CMTM8: variants seen among roughly 807,000 people sequenced by gnomAD.
CMTM8 encodes the protein CKLF-like MARVEL transmembrane domain-containing protein 8.
CMTM8 carries 12 observed loss-of-function variants against 18.6 expected under a neutral mutation model. The ratio of observed to expected loss-of-function variants is 0.65; its 90% confidence interval spans 0.41 to 1.05. The LOEUF (loss-of-function observed/expected upper bound fraction) is 1.05. CMTM8 is among the 50% of genes least tolerant of loss of function. The pLI, the probability that CMTM8 is intolerant of heterozygous loss-of-function variation, is 0.00. For missense variants in CMTM8, 217 were observed against 227.2 expected (o/e 0.95, Z 0.29); for synonymous variants, 87 against 90.6 (o/e 0.96, Z 0.23).
intron 1 of CMTM8, among the ~76,000 whole-genome samples, chr3:32,250,450 G>A (rs1178913475): frequency 1.3e-5 from 2 of 152,204 alleles, no homozygotes; most frequent in Non-Finnish European, 2.9e-5. Context: ...TCTGGATTCT[G>A]TTGAATCTAT....
chr3:32,244,825 T>C (rs190083373), intron 1 of CMTM8, among the ~76,000 whole-genome samples: 1 of 152,324 alleles, frequency 6.6e-6, no homozygotes, highest in East Asian at 1.9e-4. Flanking sequence ...GAAAAGTTCC[T>C]TGAGGTAGAA....
chr3:32,361,286 G>GTTTTTTTTTTGTTT (rs58364646), intron 2 of CMTM8, among the ~76,000 whole-genome samples: 7 of 87,270 alleles, frequency 8.0e-5, no homozygotes, highest in Admixed American at 2.5e-4. Context: ...CAGCCTAAGA[G>GTTTTTTTTTTGTTT]TTTTTTTTTC....
chr3:32,365,297 ATTTG>A, intron 2 of CMTM8, among the ~76,000 whole-genome samples: 1 of 141,760 alleles, frequency 7.1e-6, no homozygotes. Context: ...ATAAGCCGGT[ATTTG>A]AGAAAAAAAA....
chr3:32,252,163 ACTT>A (rs1702119582), intron 1 of CMTM8, among the ~76,000 whole-genome samples: 1 of 152,198 alleles, frequency 6.6e-6, no homozygotes, highest in Non-Finnish European at 1.5e-5. Flanking sequence ...TAAGAATTTT[ACTT>A]CTTTACCCAA....
chr3:32,293,024 CCATATCCTGATA>C lies in CMTM8; in HGVS notation c.147+53909_147+53920del, dbSNP rs137935387. 7.7e-3 allele frequency among the ~76,000 whole-genome samples: 1,169 copies of C among 151,608 alleles called. 11 individuals carry two copies. The highest frequency in any genetic ancestry group is 0.025 in the African/African-American group (1,052 of 41,292). ...TATCCATGTCCTGATAGACGTCTAT[CCATATCCTGATA>C]CATGTGTCCCAGAATATATGATGTG... On this transcript the variant is annotated intron_variant, in intron 1 of 3. Transcript: ENST00000307526.
chr3:32,298,070 T>G (rs1695510667), intron 1 of CMTM8, among the ~76,000 whole-genome samples: 1 of 151,528 alleles, frequency 6.6e-6, no homozygotes, highest in South Asian at 2.1e-4. Context: ...TTTTTTTTTT[T>G]TTTTGGTTGG....
chr3:32,290,117 A>G (rs147171354), intron 1 of CMTM8, among the ~76,000 whole-genome samples: 3 of 141,520 alleles, frequency 2.1e-5, no homozygotes, highest in African/African-American at 7.6e-5. Flanking sequence ...CTGTCTCAAA[A>G]AAAAGAAAAG....
intron 1 of CMTM8, chr3:32,258,922 C>T: frequency 3.4e-6 from 1 of 292,390 alleles, no homozygotes; most frequent in Non-Finnish European, 6.7e-6. Flanking sequence ...CTTCCCCACC[C>T]CACTGCCCCC....
intron 1 of CMTM8, among the ~76,000 whole-genome samples, chr3:32,315,302 G>A (rs1429279663): frequency 1.3e-5 from 2 of 151,778 alleles, no homozygotes; most frequent in African/African-American, 4.8e-5. Flanking sequence ...GCTAATTTTT[G>A]TATTTTTATT....
At chr3:32,344,082 T>C (rs1400423477) in intron 1 of CMTM8, among the ~76,000 whole-genome samples, 2 of 152,238 alleles carry the variant, frequency 1.3e-5, no homozygotes, top group Non-Finnish European at 2.9e-5. Flanking sequence ...CAGCAAGATA[T>C]GGCGATATTG....
rs188886264 is a variant in CMTM8 at position 32,269,487 on chromosome 3, A to T, written c.147+30368A>T. 1.8e-4 allele frequency among the ~76,000 whole-genome samples: 27 copies of T among 152,218 alleles called. No homozygotes were observed. In the East Asian group the frequency reaches 2.9e-3, roughly 16 times the overall value. ...AGATTTTTAAACTTCCTTTTATGTG[A>T]TTAGGTTGCTTTTGTGAAAGGTGGA... is the stretch of plus-strand genomic sequence containing the variant. On this transcript the variant is annotated intron_variant, in intron 1 of 3. Coordinates refer to ENST00000307526, the MANE Select transcript of CMTM8 (RefSeq NM_178868.5).
chr3:32,346,257 C>A (rs1376526815), intron 1 of CMTM8, among the ~76,000 whole-genome samples: 1 of 152,200 alleles, frequency 6.6e-6, no homozygotes, highest in Non-Finnish European at 1.5e-5. Context: ...AGTTCTTACT[C>A]CCATAACTCC....
At chr3:32,366,363 G>C (rs1275341805) in intron 2 of CMTM8, among the ~76,000 whole-genome samples, 3 of 152,236 alleles carry the variant, frequency 2.0e-5, no homozygotes, top group Non-Finnish European at 4.4e-5. Flanking sequence ...GACTCAGAGA[G>C]TCTTTCTTTC....
intron 2 of CMTM8, among the ~76,000 whole-genome samples, chr3:32,362,759 C>T (rs1478307415): frequency 6.6e-6 from 1 of 152,202 alleles, no homozygotes; most frequent in Non-Finnish European, 1.5e-5. Context: ...GGTGCCAGAA[C>T]TGAGCACATG....
chr3:32,359,302 T>G (rs1696875527), intron 2 of CMTM8, among the ~76,000 whole-genome samples: 1 of 152,194 alleles, frequency 6.6e-6, no homozygotes. Flanking sequence ...AGTAAAACTT[T>G]ATTTACAAAA....
At chr3:32,307,524 G>A (rs956885325) in intron 1 of CMTM8, among the ~76,000 whole-genome samples, 1 of 152,006 alleles carries the variant, frequency 6.6e-6, no homozygotes, top group African/African-American at 2.4e-5. Flanking sequence ...GTCCTTTTTG[G>A]GCAGCATTCA....
At chr3:32,349,449 G>A (rs114049016) in intron 1 of CMTM8, among the ~76,000 whole-genome samples, 1 of 151,966 alleles carries the variant, frequency 6.6e-6, no homozygotes, top group Non-Finnish European at 1.5e-5. Context: ...GTCATTTAAG[G>A]CCTTTGTTTC....
intron 1 of CMTM8, among the ~76,000 whole-genome samples, chr3:32,319,812 T>G (rs1696007400): frequency 6.6e-6 from 1 of 152,240 alleles, no homozygotes; most frequent in Non-Finnish European, 1.5e-5. Flanking sequence ...GGCAGAACTG[T>G]CAAAACAGCC....
chr3:32,265,653 A>G (rs377009267), intron 1 of CMTM8, among the ~76,000 whole-genome samples: 19,520 of 151,760 alleles, frequency 0.13, 1,152 homozygotes, highest in African/African-American at 0.18. Context: ...CAAAAAATCA[A>G]TGAATCCAGG....
Sources: allele counts gnomAD v4.1 joint callset (sites outside exome capture counted in the v4.1 genomes callset), GRCh38; gene constraint gnomAD v4.1.1; transcripts MANE v1.5; gene names NCBI Gene and HGNC (gene_info 2026-07-23, HGNC 2026-07-21).